The following PDE4D variants were observed in gnomAD, a reference collection of about 807,000 sequenced individuals.
PDE4D encodes the protein phosphodiesterase 4D, also known as 3',5'-cyclic-AMP phosphodiesterase 4D.
PDE4D carries 24 observed loss-of-function variants against 87.4 expected under a neutral mutation model. That is an observed-to-expected ratio of 0.27 (90% CI 0.20 to 0.39). The LOEUF (loss-of-function observed/expected upper bound fraction) is 0.39. PDE4D is among the 10% of genes least tolerant of loss of function. The probability of loss-of-function intolerance (pLI) is 1.00; values close to 1 mark genes in which losing one functional copy is unlikely to be tolerated. For missense variants in PDE4D, 714 were observed against 1,041.0 expected, an observed-to-expected ratio of 0.69 and a Z score of 4.32; for synonymous variants, 384 against 383.2, an observed-to-expected ratio of 1.00 and a Z score of -0.02.
chr5:60,158,633 G>A (rs1275719843), intron 2 of PDE4D, among the ~76,000 whole-genome samples: 1 of 152,194 alleles, frequency 6.6e-6, no homozygotes, highest in East Asian at 1.9e-4. Context: ...CGCAATCTCG[G>A]CTCACTGCAA....
chr5:60,320,571 G>A (rs4700372), intron 1 of PDE4D, among the ~76,000 whole-genome samples: 26,031 of 152,024 alleles, frequency 0.17, 2,380 homozygotes, highest in South Asian at 0.38. Context: ...CTTCTGCATC[G>A]CTCACGCTGG....
At chr5:60,368,716 C>G (rs543376855) in intron 1 of PDE4D, among the ~76,000 whole-genome samples, 2 of 152,214 alleles carry the variant, frequency 1.3e-5, no homozygotes, top group South Asian at 2.1e-4. Flanking sequence ...GTCCCCCTTG[C>G]AGTTCTCGTG....
chr5:59,014,787 G>A lies in PDE4D; in HGVS notation c.922-21322C>T, dbSNP rs567819099. 7.9e-5 allele frequency among the ~76,000 whole-genome samples: 12 copies of A among 152,174 alleles called. No individual in the cohort carries two copies. In the East Asian group the frequency reaches 1.5e-3, roughly 20 times the overall value. On this transcript the variant is annotated intron_variant, in intron 6 of 14. Coordinates refer to ENST00000340635, the MANE Select transcript of PDE4D (RefSeq NM_001104631.2). ...GGAAAAACTACTTTAAAGTTCATAT[G>A]GAACCAAAAAAGAGCCCGCATTGCC...
chr5:59,708,287 A>G (rs902016506), intron 1 of PDE4D, among the ~76,000 whole-genome samples: 60 of 152,048 alleles, frequency 3.9e-4, no homozygotes, highest in Middle Eastern at 3.4e-3. Context: ...TGTCCTCTCA[A>G]ACAAACCCCA....
At chr5:60,039,752 T>C (rs1237494352) in intron 2 of PDE4D, among the ~76,000 whole-genome samples, 1 of 152,178 alleles carries the variant, frequency 6.6e-6, no homozygotes, top group East Asian at 1.9e-4. Flanking sequence ...AGATGTTTCC[T>C]AGCTTTTCAA....
rs6896345 is a variant in PDE4D, at chr5:60,297,641, T to A, written c.-89-111954A>T. Among the ~76,000 whole-genome samples the A allele has an allele frequency of 2.8e-3, 425 of 152,262 alleles. 5 individuals are homozygous for A. Among genetic ancestry groups the A allele is most frequent in the African/African-American group, 9.9e-3 (411 of 41,534 alleles). On this transcript the variant is annotated intron_variant, in intron 1 of 16. Transcript: ENST00000502484. ...TCCAATTGTATAATCAAAACACAGT[T>A]CCAATTACTGAAATACACTTTATAA...
chr5:59,319,855 G>A (rs1774404324), intron 1 of PDE4D, among the ~76,000 whole-genome samples: 1 of 150,766 alleles, frequency 6.6e-6, no homozygotes, highest in Admixed American at 6.6e-5. Context: ...CATATGAGGA[G>A]AAGTGTTAGA....
At chr5:59,540,013 TA>T (rs1229236754) in intron 1 of PDE4D, among the ~76,000 whole-genome samples, 1 of 152,190 alleles carries the variant, frequency 6.6e-6, no homozygotes, top group African/African-American at 2.4e-5. Context: ...GAGGTCTTTG[TA>T]AAATGCAGGT....
chr5:59,741,978 G>T (rs1580807522), intron 1 of PDE4D, among the ~76,000 whole-genome samples: 1 of 152,120 alleles, frequency 6.6e-6, no homozygotes, highest in Non-Finnish European at 1.5e-5. Flanking sequence ...AGAATGGTTT[G>T]CACCAGAAGG....
rs1743471109 is a variant in PDE4D, at chr5:58,975,422, T to C, written c.2013+235A>G. Among the ~76,000 whole-genome samples, 1 of 152,164 alleles carries C rather than the reference T, an allele frequency of 6.6e-6. No homozygotes were observed. The highest frequency in any genetic ancestry group is 1.5e-5 in the Non-Finnish European group (1 of 68,022). ...ATGTGCTCTATGTATATGAATATAT[T>C]AAATGAATATAGTCATAATAAATGA... On this transcript the variant is annotated intron_variant, in intron 14 of 14. Transcript: ENST00000340635. The surrounding 1 kb of genome is among the most constrained non-coding windows in gnomAD (Gnocchi z 4.2).
In PDE4D at chr5:59,063,210, G is replaced by C. The variant is rs534537100; in HGVS notation, c.809-24239C>G. On this transcript the variant is annotated intron_variant, in intron 5 of 14. Coordinates refer to ENST00000340635, the MANE Select transcript of PDE4D (RefSeq NM_001104631.2). The stretch of plus-strand genomic sequence containing the variant: ...GGCCAAAGGCGACTACTCTAGACTG[G>C]TGACTTCAAAAGTGCTGATGAATAC... 3 of 152,248 alleles carry C rather than the reference G, an allele frequency of 2.0e-5. No individual in the cohort carries two copies. In the South Asian group the frequency reaches 6.2e-4, roughly 32 times the overall value. The allele number at this position is 152,248 out of a possible 1,614,324, so 9.4% of individuals were successfully genotyped here.
chr5:59,427,936 C>T (rs879357846), intron 1 of PDE4D, among the ~76,000 whole-genome samples: 5 of 151,898 alleles, frequency 3.3e-5, no homozygotes, highest in Non-Finnish European at 5.9e-5. Context: ...TTTACAGAGG[C>T]TACCAAAAAT....
At chr5:59,736,536 G>A (rs1013943011) in intron 1 of PDE4D, among the ~76,000 whole-genome samples, 3 of 151,922 alleles carry the variant, frequency 2.0e-5, no homozygotes, top group Admixed American at 6.6e-5. Flanking sequence ...AAAACTAGCC[G>A]GGCATGGTGG....
chr5:59,999,620 A>G (rs1380585680), intron 2 of PDE4D, among the ~76,000 whole-genome samples: 2 of 151,776 alleles, frequency 1.3e-5, no homozygotes, highest in Non-Finnish European at 2.9e-5. Flanking sequence ...AAGCCAATTT[A>G]TAAGGACTGA....
chr5:59,642,934 A>G (rs1022000377), intron 1 of PDE4D, among the ~76,000 whole-genome samples: 11 of 152,324 alleles, frequency 7.2e-5, no homozygotes, highest in Admixed American at 2.6e-4. Flanking sequence ...CTTAAATAGT[A>G]TAAAATAGTC....
chr5:59,037,022 C>T (rs1210132383), intron 6 of PDE4D, among the ~76,000 whole-genome samples: 1 of 151,940 alleles, frequency 6.6e-6, no homozygotes, highest in Non-Finnish European at 1.5e-5. Context: ...TTTTAAATCC[C>T]TGTCTTATCT....
At chr5:60,206,913 G>A (rs1248118204) in intron 1 of PDE4D, among the ~76,000 whole-genome samples, 1 of 152,184 alleles carries the variant, frequency 6.6e-6, no homozygotes, top group Non-Finnish European at 1.5e-5. Flanking sequence ...GAATGCTACA[G>A]TCTGTAATTA....
intron 1 of PDE4D, among the ~76,000 whole-genome samples, chr5:59,582,662 C>T (rs931293360): frequency 2.0e-5 from 3 of 151,990 alleles, no homozygotes; most frequent in African/African-American, 4.8e-5. Context: ...TATAGAGGAA[C>T]AATCAAACAA....
At chr5:60,008,681 C>G (rs1764716845) in intron 2 of PDE4D, among the ~76,000 whole-genome samples, 1 of 151,912 alleles carries the variant, frequency 6.6e-6, no homozygotes, top group South Asian at 2.1e-4. Context: ...TCATGAAACC[C>G]AAGAATGAAT....
Sources: gnomAD v4.1 joint callset for allele counts (sites outside exome capture counted in the v4.1 genomes callset) on GRCh38, gnomAD v4.1.1 for gene constraint, Gnocchi (gnomAD v3.1) non-coding constraint, MANE v1.5 for transcripts, NCBI Gene and HGNC (gene_info 2026-07-23, HGNC 2026-07-21) for gene names.